ATP8A2: variants seen among roughly 807,000 people sequenced by gnomAD.
The protein encoded by ATP8A2 is phospholipid-transporting ATPase IB.
A neutral mutation model predicts 165.6 loss-of-function variants in ATP8A2; 100 were observed. The ratio of observed to expected loss-of-function variants is 0.60; its 90% CI spans 0.51 to 0.71. ATP8A2 has a LOEUF of 0.71. Among genes scored for constraint, ATP8A2 ranks in the 30% least tolerant of loss-of-function variants. The probability of loss-of-function intolerance (pLI) is 0.00; values close to 1 mark genes in which losing one functional copy is unlikely to be tolerated. For missense variants in ATP8A2, 1,227 were observed against 1,479.5 expected, an observed-to-expected ratio of 0.83 and a Z score of 2.80; for synonymous variants, 543 against 548.8, an observed-to-expected ratio of 0.99 and a Z score of 0.15.
intron 1 of ATP8A2, among the ~76,000 whole-genome samples, chr13:25,412,122 C>G (rs1474097308): frequency 6.6e-6 from 1 of 152,128 alleles, no homozygotes; most frequent in East Asian, 1.9e-4. Context: ...GTGGGTGCCC[C>G]TCTCAGAGAC....
At position 25,683,597 on chromosome 13, in the gene ATP8A2, C is replaced by T. The variant is rs539258027; in HGVS notation, c.2212-15576C>T. On this transcript the variant is annotated intron_variant, in intron 24 of 36. Coordinates refer to ENST00000381655, the MANE Select transcript of ATP8A2 (RefSeq NM_016529.6). ...CCAGTAGGGAGAGGTAGGAGCCGTG[C>T]GGAATTACAAATGGTGGCTTCTGTG... 1.2e-4 allele frequency among the ~76,000 whole-genome samples: 18 copies of T among 152,024 alleles called. No individual in the cohort carries two copies. The East Asian group carries it at 2.1e-3, about 18-fold the overall frequency.
chr13:25,658,666 CTTTG>C (rs1207690381), intron 24 of ATP8A2, among the ~76,000 whole-genome samples: 1 of 152,154 alleles, frequency 6.6e-6, no homozygotes, highest in Admixed American at 6.6e-5. Flanking sequence ...GTTAGCTTCA[CTTTG>C]TTTGCTTTTC....
At chr13:25,880,325 T>C (rs1042203507) in intron 33 of ATP8A2, among the ~76,000 whole-genome samples, 1 of 149,686 alleles carries the variant, frequency 6.7e-6, no homozygotes, top group East Asian at 2.0e-4. Context: ...TCCCATCAGA[T>C]TAAAAAGTGT....
At chr13:25,467,061 A>G (rs887789636) in intron 1 of ATP8A2, among the ~76,000 whole-genome samples, 3 of 152,228 alleles carry the variant, frequency 2.0e-5, no homozygotes, top group African/African-American at 7.2e-5. Flanking sequence ...ACAGTCTGGA[A>G]GAAGGGATTC....
At chr13:25,373,434 G>A (rs907255733) in intron 1 of ATP8A2, among the ~76,000 whole-genome samples, 6 of 152,146 alleles carry the variant, frequency 3.9e-5, no homozygotes, top group South Asian at 2.1e-4. Context: ...AAGGGGTCAC[G>A]GGGTGCAGGG....
At chr13:25,728,820 T>C (rs1593257737) in intron 25 of ATP8A2, among the ~76,000 whole-genome samples, 1 of 152,308 alleles carries the variant, frequency 6.6e-6, no homozygotes, top group East Asian at 1.9e-4. Flanking sequence ...CGGGAAAATT[T>C]GTAATTAGCA....
chr13:25,546,424 A>G (rs534571085), intron 10 of ATP8A2, among the ~76,000 whole-genome samples: 5 of 152,338 alleles, frequency 3.3e-5, no homozygotes, highest in Admixed American at 1.3e-4. Flanking sequence ...CATAGCTGGA[A>G]GCCATCCTGT....
chr13:25,383,848 C>T (rs1234243034), intron 1 of ATP8A2, among the ~76,000 whole-genome samples: 1 of 152,132 alleles, frequency 6.6e-6, no homozygotes, highest in African/African-American at 2.4e-5. Flanking sequence ...CTACCCCTGA[C>T]TCTCCCCTAC....
At chr13:25,569,927 G>A (rs997748673) in intron 16 of ATP8A2, among the ~76,000 whole-genome samples, 12 of 152,226 alleles carry the variant, frequency 7.9e-5, no homozygotes, top group African/African-American at 1.9e-4. Flanking sequence ...ATTAATAGAC[G>A]TGCCAGGTCT....
chr13:25,672,070 C>T (rs939211841), intron 24 of ATP8A2, among the ~76,000 whole-genome samples: 3 of 152,146 alleles, frequency 2.0e-5, no homozygotes, highest in Non-Finnish European at 4.4e-5. Flanking sequence ...GGCAGGTTCC[C>T]CAATAGAGCA....
chr13:25,720,199 A>C, intron 25 of ATP8A2, among the ~76,000 whole-genome samples: 2 of 112,216 alleles, frequency 1.8e-5, no homozygotes, highest in Non-Finnish European at 1.8e-5. Flanking sequence ...AAGGAATCTC[A>C]CTCTGTCGCC....
At chr13:25,899,124 C>A (rs767789641) in intron 33 of ATP8A2, among the ~76,000 whole-genome samples, 12 of 152,234 alleles carry the variant, frequency 7.9e-5, no homozygotes, top group Non-Finnish European at 1.6e-4. Flanking sequence ...GTGTCGCTCA[C>A]TCTGGGAACT....
chr13:25,731,230 G>A (rs546154284), intron 25 of ATP8A2, among the ~76,000 whole-genome samples: 1 of 148,216 alleles, frequency 6.7e-6, no homozygotes, highest in African/African-American at 2.5e-5. Flanking sequence ...AAGAAAGAAG[G>A]AAAGAGAGAG....
chr13:25,600,288 A>G (rs1315130916), intron 24 of ATP8A2, among the ~76,000 whole-genome samples: 1 of 152,176 alleles, frequency 6.6e-6, no homozygotes, highest in Non-Finnish European at 1.5e-5. Context: ...CTTTGTCTCC[A>G]GCTTTGGAGT....
intron 33 of ATP8A2, among the ~76,000 whole-genome samples, chr13:25,949,347 A>G (rs1955288307): frequency 6.6e-6 from 1 of 152,162 alleles, no homozygotes; most frequent in Admixed American, 6.5e-5. Context: ...CGTCCACCCT[A>G]TCTTTATCAG....
chr13:25,393,097 A>G (rs915834319), intron 1 of ATP8A2, among the ~76,000 whole-genome samples: 4 of 148,034 alleles, frequency 2.7e-5, no homozygotes, highest in Non-Finnish European at 6.0e-5. Context: ...TAGTTCATGG[A>G]TACTTTTTTT....
At chr13:25,635,453 G>C (rs1164246624) in intron 24 of ATP8A2, among the ~76,000 whole-genome samples, 1 of 152,128 alleles carries the variant, frequency 6.6e-6, no homozygotes, top group Non-Finnish European at 1.5e-5. Context: ...GTGACGTCTC[G>C]AGACTCCCCT....
intron 34 of ATP8A2, among the ~76,000 whole-genome samples, chr13:25,965,454 C>T (rs185307734): frequency 3.3e-5 from 5 of 152,288 alleles, no homozygotes; most frequent in East Asian, 3.9e-4. Context: ...TATTATCCTG[C>T]TAACCAAAAT....
At chr13:25,667,980 A>G (rs1019509127) in intron 24 of ATP8A2, among the ~76,000 whole-genome samples, 1 of 152,076 alleles carries the variant, frequency 6.6e-6, no homozygotes, top group Non-Finnish European at 1.5e-5. Flanking sequence ...TGTTATTTTT[A>G]CTAATTTTAT....
Sources: allele counts gnomAD v4.1 joint callset (sites outside exome capture counted in the v4.1 genomes callset), GRCh38; gene constraint gnomAD v4.1.1; transcripts MANE v1.5; gene names NCBI Gene and HGNC (gene_info 2026-07-23, HGNC 2026-07-21).